The following NSD1 variants were observed in gnomAD, a reference collection of about 807,000 sequenced individuals.
NSD1 encodes histone-lysine N-methyltransferase, H3 lysine-36 specific.
A neutral mutation model predicts 242.7 loss-of-function variants in NSD1; 26 were observed. The observed-to-expected ratio is 0.11, with a 90% CI of 0.08 to 0.15. The LOEUF is 0.15. Ranked by LOEUF, NSD1 falls within the 10% of genes least tolerant of loss-of-function variation. The pLI is 1.00. For missense variants in NSD1, 2,495 were observed against 3,272.8 expected (o/e 0.76, Z 5.80); for synonymous variants, 1,106 against 1,178.1 (o/e 0.94, Z 1.25).
chr5:177,160,469 T>C (rs1277009049), intron 2 of NSD1, among the ~76,000 whole-genome samples: 1 of 151,266 alleles, frequency 6.6e-6, no homozygotes, highest in East Asian at 2.0e-4. Context: ...CCCGGCTGAT[T>C]TTTTTGTATT....
At chr5:177,224,741 G>A (rs1433664448) in intron 5 of NSD1, among the ~76,000 whole-genome samples, 1 of 151,084 alleles carries the variant, frequency 6.6e-6, no homozygotes, top group South Asian at 2.1e-4. Context: ...AGTGGAAAAA[G>A]CAGACATCCT....
intron 2 of NSD1, among the ~76,000 whole-genome samples, chr5:177,175,549 A>C (rs1442306036): frequency 6.6e-6 from 1 of 152,122 alleles, no homozygotes; most frequent in Non-Finnish European, 1.5e-5. Flanking sequence ...GGATCACTTG[A>C]GCTCAATAGG....
At chr5:177,234,811 C>T (rs1765317603) in intron 5 of NSD1, among the ~76,000 whole-genome samples, 1 of 151,654 alleles carries the variant, frequency 6.6e-6, no homozygotes, top group Non-Finnish European at 1.5e-5. Context: ...AAAAGCTATC[C>T]CACAGAATGC....
chr5:177,211,904 A>C lies in NSD1; in HGVS notation c.3505A>C (p.Lys1169Gln). The change falls in exon 5 of 23, where the codon AAA (lysine) becomes CAA (glutamine). Residue 1169 changes from lysine to glutamine, a missense_variant. Physicochemically the swap from Lys to Gln is moderately conservative, Grantham distance 53 (BLOSUM62 1). Transcript: ENST00000439151. Reference sequence around the variant, plus strand: ...GCAGCGTTTAAACCAAAGGCGCACTAAACCTCGTAAGCGCATGAACAGATT... The same window carrying C: ...GCAGCGTTTAAACCAAAGGCGCACTCAACCTCGTAAGCGCATGAACAGATT... ...RWQRLNQRRT[K>Q]PRKRMNRFKE... The C allele has an allele frequency of 6.2e-7, 1 of 1,609,480 alleles. No homozygotes were observed. Among genetic ancestry groups the C allele is most frequent in the Non-Finnish European group, 8.5e-7 (1 of 1,177,770 alleles).
intron 17 of NSD1, among the ~76,000 whole-genome samples, chr5:177,277,149 A>G (rs1021012548): frequency 5.3e-5 from 8 of 150,974 alleles, no homozygotes; most frequent in African/African-American, 1.5e-4. Context: ...TTTTTTTAAT[A>G]AACATTTCCA....
chr5:177,203,642 G>C (rs1306409715), intron 3 of NSD1, among the ~76,000 whole-genome samples: 1 of 152,072 alleles, frequency 6.6e-6, no homozygotes, highest in African/African-American at 2.4e-5. Context: ...CACTATAAAT[G>C]TTAACAGATC....
intron 2 of NSD1, among the ~76,000 whole-genome samples, chr5:177,180,157 C>T (rs1163301542): frequency 4.0e-5 from 6 of 150,564 alleles, no homozygotes; most frequent in African/African-American, 9.8e-5. Flanking sequence ...TGCAGTGGCA[C>T]GATCTTGGCT....
intron 8 of NSD1, among the ~76,000 whole-genome samples, chr5:177,243,637 G>A (rs1766059136): frequency 1.3e-5 from 2 of 152,100 alleles, no homozygotes; most frequent in African/African-American, 4.8e-5. Flanking sequence ...GAAATCTCTG[G>A]CAAGTCTTTA....
intron 5 of NSD1, among the ~76,000 whole-genome samples, chr5:177,229,277 A>G (rs961651557): frequency 6.6e-6 from 1 of 152,060 alleles, no homozygotes; most frequent in Non-Finnish European, 1.5e-5. Context: ...CTCATCCAGT[A>G]TTTGTCATTT....
chr5:177,277,076 A>C (rs1758454569), intron 17 of NSD1, among the ~76,000 whole-genome samples: 1 of 152,170 alleles, frequency 6.6e-6, no homozygotes, highest in East Asian at 1.9e-4. Context: ...CTGAGAGAGC[A>C]GTTTCCTGTG....
intron 21 of NSD1, among the ~76,000 whole-genome samples, chr5:177,289,241 A>T (rs1297372526): frequency 3.3e-5 from 5 of 152,056 alleles, no homozygotes; most frequent in Non-Finnish European, 7.4e-5. Context: ...GAATCCCTTG[A>T]ACCCAGGAGG....
At chr5:177,170,747 T>TAAA (rs1223998362) in intron 2 of NSD1, among the ~76,000 whole-genome samples, 5 of 152,172 alleles carry the variant, frequency 3.3e-5, no homozygotes, top group African/African-American at 9.7e-5. Flanking sequence ...TTCACAGTGT[T>TAAA]ATATAATCAT....
chr5:177,220,826 T>G (rs913451050), intron 5 of NSD1, among the ~76,000 whole-genome samples: 6 of 152,138 alleles, frequency 3.9e-5, no homozygotes, highest in Admixed American at 3.3e-4. Flanking sequence ...CTGCCTTAGC[T>G]TCTCAAAGTG....
intron 2 of NSD1, among the ~76,000 whole-genome samples, chr5:177,153,061 CAG>C (rs1048958417): frequency 2.0e-5 from 3 of 152,042 alleles, no homozygotes; most frequent in Non-Finnish European, 4.4e-5. Context: ...GCTTTTCTAA[CAG>C]AGCTTTGGGG....
chr5:177,252,561 T>TC (rs1756074371), intron 12 of NSD1, among the ~76,000 whole-genome samples: 1 of 138,970 alleles, frequency 7.2e-6, no homozygotes, highest in Non-Finnish European at 1.5e-5. Context: ...TTTTTTTTTT[T>TC]TTTTTTTTAA....
In NSD1 at chr5:177,133,836, C is replaced by CG. The variant is rs1281698158; in HGVS notation, c.-128dup. On this transcript the variant is annotated 5_prime_UTR_variant, in exon 1 of 23. Coordinates refer to ENST00000439151, the MANE Select transcript of NSD1 (RefSeq NM_022455.5). This position sits in a 1 kb window ranked among gnomAD's most constrained non-coding sequence, Gnocchi z 6.2. ...CTGCCTTCTCCCCTGAAGAGAGACG[C>CG]GGGGGGAGGGGGGTGCGGCGAGCGG... 1 of 145,254 alleles carries CG rather than the reference C, an allele frequency of 6.9e-6. No individual in the cohort carries two copies. The highest frequency in any genetic ancestry group is 1.5e-5 in the Non-Finnish European group (1 of 65,960). The allele number at this position is 145,254 out of a possible 1,614,324, so 9.0% of individuals were successfully genotyped here. A position where few individuals can be genotyped will look rare whatever the true frequency, so the allele number is the denominator to read the frequency against.
chr5:177,247,886 G>A (rs1581432917), intron 10 of NSD1: 3 of 979,956 alleles, frequency 3.1e-6, no homozygotes, highest in Non-Finnish European at 2.4e-6. Context: ...GGACAAATAA[G>A]TAATCAAATA....
chr5:177,155,229 T>TC (rs768796257), intron 2 of NSD1, among the ~76,000 whole-genome samples: 3 of 152,156 alleles, frequency 2.0e-5, no homozygotes, highest in Non-Finnish European at 2.9e-5. Context: ...CCTCAGGGGA[T>TC]CCGCCCACCT....
rs79000911 is a variant in NSD1 at position 177,270,320 on chromosome 5, T to C, written c.5509+513T>C. Among the ~76,000 whole-genome samples, 13 of 152,376 alleles carry C rather than the reference T, an allele frequency of 8.5e-5. No individual in the cohort carries two copies. The East Asian group carries it at 2.5e-3, about 29-fold the overall frequency. The stretch of plus-strand genomic sequence containing the variant: ...GCAATGAAGGCAGGGTGCCCTGTTA[T>C]AAGCAGAACTAGTTTTACTGCTTAC... On this transcript the variant is annotated intron_variant, in intron 16 of 22. Transcript: ENST00000439151.
Sources: allele counts gnomAD v4.1 joint callset (sites outside exome capture counted in the v4.1 genomes callset), GRCh38; gene constraint gnomAD v4.1.1; non-coding constraint Gnocchi (gnomAD v3.1); transcripts MANE v1.5; gene names NCBI Gene and HGNC (gene_info 2026-07-23, HGNC 2026-07-21).